Variants in NUP205 observed in about 807,000 individuals in gnomAD.
NUP205 encodes nuclear pore complex protein Nup205.
NUP205 carries 76 observed loss-of-function variants against 253.8 expected under a neutral mutation model. The ratio of observed to expected loss-of-function variants is 0.30; its 90% CI spans 0.25 to 0.36. The LOEUF is 0.36. Ranked by LOEUF, NUP205 falls within the 10% of genes least tolerant of loss-of-function variation. NUP205 has a pLI of 1.00. For synonymous variants in NUP205, 832 were observed against 850.1 expected (o/e 0.98, Z 0.37); for missense variants, 2,162 against 2,425.5 (o/e 0.89, Z 2.28).
At chr7:135,631,819 G>A (rs186305966) in intron 35 of NUP205, among the ~76,000 whole-genome samples, 4 of 148,732 alleles carry the variant, frequency 2.7e-5, no homozygotes, top group Admixed American at 6.8e-5. Context: ...GCGCGATCTC[G>A]GCTCACTGCA....
rs563076755 is a variant in NUP205, at chr7:135,578,019, G to C, written c.872G>C (p.Arg291Pro). Reference sequence around the variant, plus strand: ...TTTATAGAGCAAAGCACAGAGGAACGAGATGGTATTGAGTTTTATACATTT... The same window carrying C: ...TTTATAGAGCAAAGCACAGAGGAACCAGATGGTATTGAGTTTTATACATTT... Reference protein sequence around the residue: ...ISFIEQSTEERDDMIHQLPLL... With the variant: ...ISFIEQSTEEPDDMIHQLPLL... Residue 291 changes from arginine (R) to proline (P), a missense_variant, in exon 6 of 43, where the codon CGA (arginine) becomes CCA (proline). Physicochemically the swap from Arg to Pro is moderately radical, Grantham distance 103. Coordinates refer to ENST00000285968, the MANE Select transcript of NUP205 (RefSeq NM_015135.3). 2.5e-6 allele frequency: 4 copies of C among 1,604,680 alleles called. No homozygotes were observed. Among genetic ancestry groups the C allele is most frequent in the Non-Finnish European group, 3.4e-6 (4 of 1,171,732 alleles).
At chr7:135,579,952 C>A (rs1217571920) in intron 7 of NUP205, among the ~76,000 whole-genome samples, 1 of 152,172 alleles carries the variant, frequency 6.6e-6, no homozygotes, top group Non-Finnish European at 1.5e-5. Context: ...GACCAGAATA[C>A]TGACTTTTAA....
rs574074911 is a variant in NUP205 at position 135,646,338 on chromosome 7, G to T, written c.5886+107G>T. Reference sequence around the variant, plus strand: ...AGCATTTTGGGAGGCCGAGACGGGAGGATTGCTTGAGCCCAGGAGTTTGAG... The same window carrying T: ...AGCATTTTGGGAGGCCGAGACGGGATGATTGCTTGAGCCCAGGAGTTTGAG... On this transcript the variant is annotated intron_variant, in intron 42 of 42. Transcript: ENST00000285968. 14 of 798,574 alleles carry T rather than the reference G, an allele frequency of 1.8e-5. No homozygotes were observed. In the East Asian group the frequency reaches 3.7e-4, roughly 21 times the overall value. 49.5% of individuals were successfully genotyped at this position (798,574 alleles called of 1,614,324 possible).
At chr7:135,621,504 C>A (rs1794469399) in intron 30 of NUP205, among the ~76,000 whole-genome samples, 1 of 152,158 alleles carries the variant, frequency 6.6e-6, no homozygotes, top group Admixed American at 6.5e-5. Context: ...TTAAAAACTG[C>A]TGCTATGTAG....
At chr7:135,630,957 A>T (rs6971576) in intron 35 of NUP205, among the ~76,000 whole-genome samples, 3 of 151,390 alleles carry the variant, frequency 2.0e-5, no homozygotes, top group Admixed American at 2.0e-4. Flanking sequence ...TTTAAGATAT[A>T]GGCTTATTAT....
In NUP205 at chr7:135,587,638, G is replaced by T. The variant is rs1806506297; in HGVS notation, c.1282G>T (p.Gly428Cys). The change falls in exon 9 of 43, where the codon GGT becomes TGT. Residue 428 changes from glycine (G) to cysteine (C), a missense_variant. By Grantham distance (159) the Gly-to-Cys change is radical. Around this residue, in one of 5 missense-constraint regions of NUP205, gnomAD observed 892 missense variants for 957.1 expected, o/e 0.93. Transcript: ENST00000285968. Reference protein sequence around the residue: ...ARMIHMSMQMGNEPPISLRRD... With the variant: ...ARMIHMSMQMCNEPPISLRRD... Reference sequence around the variant, plus strand: ...AATGATTCACATGAGTATGCAGATGGGTAATGAACCCCCCATTTCACTTAG... The same window carrying T: ...AATGATTCACATGAGTATGCAGATGTGTAATGAACCCCCCATTTCACTTAG... 6.2e-7 allele frequency: 1 copy of T among 1,611,514 alleles called. No homozygotes were observed. Among genetic ancestry groups the T allele is most frequent in the African/African-American group, 1.3e-5 (1 of 74,922 alleles).
chr7:135,638,055 A>G lies in NUP205; in HGVS notation c.5261A>G (p.Gln1754Arg). 1 of 1,613,260 alleles carries G rather than the reference A, an allele frequency of 6.2e-7. No individual in the cohort carries two copies. The highest frequency in any genetic ancestry group is 1.1e-5 in the South Asian group (1 of 90,962). ...SKKDEIELAM[Q>R]QICANVMEYC... Reference sequence around the variant, plus strand: ...AAAGATGAGATTGAACTGGCTATGCAGCAGGTAAGAACCATGTGACTTCTC... The same window carrying G: ...AAAGATGAGATTGAACTGGCTATGCGGCAGGTAAGAACCATGTGACTTCTC... The change falls in exon 37 of 43, where the codon CAG (glutamine) becomes CGG (arginine). Residue 1754 changes from glutamine (Q) to arginine (R), a missense_variant. Gln to Arg is a conservative substitution (Grantham distance 43). Around this residue, in one of 5 missense-constraint regions of NUP205, gnomAD observed 1,144 missense variants for 1,280.9 expected, o/e 0.89. Coordinates refer to ENST00000285968, the MANE Select transcript of NUP205 (RefSeq NM_015135.3).
intron 42 of NUP205, among the ~76,000 whole-genome samples, chr7:135,648,065 C>G (rs562645091): frequency 8.5e-5 from 13 of 152,254 alleles, no homozygotes; most frequent in African/African-American, 3.1e-4. Context: ...CTCCCTCCCC[C>G]GCCAGTCTTA....
intron 42 of NUP205, among the ~76,000 whole-genome samples, 157 bp downstream of exon 42, chr7:135,646,388 C>A (rs776697492): frequency 1.5e-4 from 23 of 151,682 alleles, no homozygotes; most frequent in Non-Finnish European, 1.0e-4. Context: ...CATAGTGAGA[C>A]CCCGTCTCTT....
chr7:135,607,701 A>G (rs1794118041), intron 22 of NUP205, among the ~76,000 whole-genome samples: 1 of 152,212 alleles, frequency 6.6e-6, no homozygotes, highest in Non-Finnish European at 1.5e-5. Context: ...TCTCTGCCCC[A>G]TGACAGGTGA....
At chr7:135,575,250 C>G (rs2129489815) in intron 3 of NUP205, among the ~76,000 whole-genome samples, 1 of 152,216 alleles carries the variant, frequency 6.6e-6, no homozygotes, top group East Asian at 1.9e-4. Context: ...CTTGATTGTA[C>G]AGAGAACTCT....
At chr7:135,601,600 A>G (rs1364426403) in intron 17 of NUP205, 93 bp downstream of exon 17, 7 of 1,326,564 alleles carry the variant, frequency 5.3e-6, no homozygotes, top group Non-Finnish European at 7.3e-6. Flanking sequence ...CTCTGAAGTC[A>G]TTTTTCACTG....
At chr7:135,585,108 T>G in intron 8 of NUP205, 101 bp downstream of exon 8, 2 of 1,010,234 alleles carry the variant, frequency 2.0e-6, no homozygotes, top group Non-Finnish European at 2.8e-6. Flanking sequence ...ATAAAAATTT[T>G]TAATACAGAC....
At chr7:135,571,340 A>G (rs1805992897) in intron 2 of NUP205, 93 bp downstream of exon 2, 3 of 893,550 alleles carry the variant, frequency 3.4e-6, no homozygotes, top group East Asian at 6.8e-5. Context: ...TTAATTTTCA[A>G]ATTTTTTTCA....
chr7:135,602,954 C>G lies in NUP205; in HGVS notation c.2662C>G (p.Pro888Ala). The G allele has an allele frequency of 6.2e-7, 1 of 1,613,350 alleles. No individual in the cohort carries two copies. The highest frequency in any genetic ancestry group is 8.5e-7 in the Non-Finnish European group (1 of 1,179,514). ...PLEQLLQGIN[P>A]RTKKADNVVN... is the part of the protein sequence containing the mutation. The stretch of plus-strand genomic sequence containing the variant: ...AGAACAGCTTTTGCAGGGAATTAAT[C>G]CCAGAACTAAGAAGGCAGATAATGT... The change falls in exon 18 of 43, where the codon CCC (proline) becomes GCC (alanine). Residue 888 changes from proline (P) to alanine (A), a missense_variant. Pro to Ala is a conservative substitution (Grantham distance 27). Around this residue, in one of 5 missense-constraint regions of NUP205, gnomAD observed 892 missense variants for 957.1 expected, o/e 0.93. Transcript: ENST00000285968.
chr7:135,588,134 T>TTTTA (rs942321544), intron 10 of NUP205, 142 bp downstream of exon 10: 47 of 581,110 alleles, frequency 8.1e-5, no homozygotes, highest in African/African-American at 1.2e-4. Flanking sequence ...ACTTTTTAAA[T>TTTTA]TTTATTTATT....
rs143703836 is a variant in NUP205, at chr7:135,645,740, A to T, written c.5812+144A>T. Reference sequence around the variant, plus strand: ...AGCTGTTTAGTCACTAGACGTAGCTATTTCTTGCATTTTACTTTCTGTTCA... The same window carrying T: ...AGCTGTTTAGTCACTAGACGTAGCTTTTTCTTGCATTTTACTTTCTGTTCA... On this transcript the variant is annotated intron_variant, in intron 41 of 42. Coordinates refer to ENST00000285968, the MANE Select transcript of NUP205 (RefSeq NM_015135.3). The T allele has an allele frequency of 5.5e-6, 4 of 726,894 alleles. No individual in the cohort carries two copies. In the Admixed American group the frequency reaches 8.7e-5, roughly 16 times the overall value. The allele number at this position is 726,894 out of a possible 1,614,324, so 45.0% of individuals were successfully genotyped here. A position where few individuals can be genotyped will look rare whatever the true frequency, so the allele number is the denominator to read the frequency against.
chr7:135,605,548 G>A (rs1027630146), intron 19 of NUP205, among the ~76,000 whole-genome samples: 4 of 152,198 alleles, frequency 2.6e-5, no homozygotes, highest in Non-Finnish European at 5.9e-5. Context: ...CACCCAGCAT[G>A]AGAACCACCA....
intron 32 of NUP205, 103 bp from the exon 33 acceptor site, chr7:135,626,137 T>C: frequency 7.2e-7 from 1 of 1,385,278 alleles, no homozygotes; most frequent in Middle Eastern, 1.9e-4. Flanking sequence ...TTCTCTTCAG[T>C]GATAACTAAG....
Sources: gnomAD v4.1 joint callset for allele counts (sites outside exome capture counted in the v4.1 genomes callset) on GRCh38, gnomAD v4.1.1 for gene constraint, gnomAD v4.1.1 regional missense constraint, MANE v1.5 for transcripts, NCBI Gene and HGNC (gene_info 2026-07-23, HGNC 2026-07-21) for gene names.